Variants in CAP1 observed in about 807,000 individuals in gnomAD.
CAP1 encodes cyclase associated actin cytoskeleton regulatory protein 1, also known as adenylyl cyclase-associated protein 1.
CAP1 carries 11 observed loss-of-function variants against 58.2 expected under a neutral mutation model. The ratio of observed to expected loss-of-function variants is 0.19; its 90% CI spans 0.12 to 0.31. The LOEUF (loss-of-function observed/expected upper bound fraction) is 0.31, where lower values mean the gene tolerates loss of function less well. Ranked by LOEUF, CAP1 falls within the 10% of genes least tolerant of loss-of-function variation. CAP1 has a pLI of 1.00. For missense variants in CAP1, 423 were observed against 587.5 expected (o/e 0.72, Z 2.89); for synonymous variants, 183 against 213.8 (o/e 0.86, Z 1.26).
At chr1:40,062,195 C>T (rs1285046771) in intron 4 of CAP1, among the ~76,000 whole-genome samples, 1 of 139,900 alleles carries the variant, frequency 7.1e-6, no homozygotes, top group Non-Finnish European at 1.6e-5. Flanking sequence ...AGTATTGCTT[C>T]TCTCCTCATC....
chr1:40,063,015 TG>T (rs199970939), intron 4 of CAP1, among the ~76,000 whole-genome samples: 4 of 151,242 alleles, frequency 2.6e-5, no homozygotes, highest in East Asian at 1.9e-4. Context: ...ATTTTTTTTT[TG>T]AGACAGGGTG....
chr1:40,045,649 G>A (rs902381836), intron 1 of CAP1, among the ~76,000 whole-genome samples: 1 of 152,096 alleles, frequency 6.6e-6, no homozygotes, highest in Admixed American at 6.5e-5. Flanking sequence ...TCCCCCTCCC[G>A]GGTTCAAGCA....
At chr1:40,059,540 A>G (rs956715358) in intron 2 of CAP1, 82 bp downstream of exon 2, 2 of 755,696 alleles carry the variant, frequency 2.6e-6, no homozygotes, top group East Asian at 2.6e-5. Flanking sequence ...CTTTGGCGCT[A>G]ACTTCCCAAA....
At chr1:40,063,755 A>G (rs1337732747) in intron 4 of CAP1, among the ~76,000 whole-genome samples, 1 of 152,224 alleles carries the variant, frequency 6.6e-6, no homozygotes, top group African/African-American at 2.4e-5. Context: ...ACATGGGTCC[A>G]TTAATAGTTT....
intron 1 of CAP1, among the ~76,000 whole-genome samples, chr1:40,042,673 G>T (rs180850930): frequency 1.4e-3 from 206 of 152,300 alleles, no homozygotes; most frequent in African/African-American, 4.8e-3. Context: ...GCAGGAAAAT[G>T]ATGTCGTCAG....
At chr1:40,042,118 C>T (rs1004300397) in intron 1 of CAP1, among the ~76,000 whole-genome samples, 1 of 152,150 alleles carries the variant, frequency 6.6e-6, no homozygotes, top group East Asian at 1.9e-4. Context: ...CTCAGGTGAT[C>T]CCCCCACCTC....
chr1:40,065,751 A>C (rs1306305892), intron 6 of CAP1, among the ~76,000 whole-genome samples: 1 of 152,216 alleles, frequency 6.6e-6, no homozygotes, highest in Non-Finnish European at 1.5e-5. Flanking sequence ...ATATTTTGAC[A>C]TAAGGCATTG....
chr1:40,069,784 T>C lies in CAP1; in HGVS notation c.903T>C (p.Ser301=). The C allele has an allele frequency of 6.2e-7, 1 of 1,612,914 alleles. No individual in the cohort carries two copies. The highest frequency in any genetic ancestry group is 2.2e-5 in the East Asian group (1 of 44,852). ...TACGCAGTGGCCCCAAACCATTCTC[T>C]GCACCTAAACCCCAAACCAGCCCAT... The part of the protein sequence containing the change: ...GPVRSGPKPF[S]APKPQTSPSP... Residue 301 remains serine (S), a synonymous_variant, in exon 9 of 13, where the codon TCT becomes TCC. Coordinates refer to ENST00000372805, the MANE Select transcript of CAP1 (RefSeq NM_006367.4).
At chr1:40,052,368 T>G (rs1425845209) in intron 1 of CAP1, among the ~76,000 whole-genome samples, 2 of 152,150 alleles carry the variant, frequency 1.3e-5, no homozygotes, top group African/African-American at 4.8e-5. Flanking sequence ...TTTGGACTTG[T>G]GTAATTTTGA....
chr1:40,061,036 G>A (rs969079013), intron 3 of CAP1, among the ~76,000 whole-genome samples: 1 of 152,096 alleles, frequency 6.6e-6, no homozygotes, highest in African/African-American at 2.4e-5. Context: ...TATTTTAATA[G>A]TGCTTACAGT....
chr1:40,070,021 C>A, intron 9 of CAP1, 138 bp from the exon 10 acceptor site: 1 of 1,426,988 alleles, frequency 7.0e-7, no homozygotes, highest in Non-Finnish European at 9.6e-7. Context: ...GGAGTAGGAA[C>A]AGGAGGTTAA....
intron 1 of CAP1, among the ~76,000 whole-genome samples, chr1:40,045,624 TG>T (rs1171195515): frequency 6.6e-6 from 1 of 152,120 alleles, no homozygotes; most frequent in Non-Finnish European, 1.5e-5. Context: ...GGCGTGATCT[TG>T]GCTCACTGCA....
intron 7 of CAP1, 51 bp from the exon 8 acceptor site, chr1:40,067,489 T>C: frequency 1.3e-6 from 2 of 1,513,184 alleles, no homozygotes; most frequent in South Asian, 1.2e-5. Flanking sequence ...CTGGGAATGG[T>C]ACAGAGGGGA....
At chr1:40,044,290 A>G (rs1440148322) in intron 1 of CAP1, among the ~76,000 whole-genome samples, 1 of 152,158 alleles carries the variant, frequency 6.6e-6, no homozygotes, top group African/African-American at 2.4e-5. Flanking sequence ...TTGTGAATCA[A>G]ATTTTTTTTT....
chr1:40,064,017 GAACC>G, intron 4 of CAP1, among the ~76,000 whole-genome samples: 1 of 152,208 alleles, frequency 6.6e-6, no homozygotes, highest in African/African-American at 2.4e-5. Context: ...TGATCATGAA[GAACC>G]ATCAGGTGCA....
At chr1:40,043,058 G>A (rs1234036744) in intron 1 of CAP1, among the ~76,000 whole-genome samples, 1 of 152,190 alleles carries the variant, frequency 6.6e-6, no homozygotes, top group Non-Finnish European at 1.5e-5. Flanking sequence ...AATAAGGTGG[G>A]TCAGCTAAAG....
At chr1:40,071,415 C>A (rs1647999906) in intron 12 of CAP1, 35 bp from the exon 13 acceptor site, 1 of 1,467,326 alleles carries the variant, frequency 6.8e-7, no homozygotes, top group East Asian at 2.3e-5. Context: ...TTCTTTAGCT[C>A]AGATTTAAAC....
intron 1 of CAP1, among the ~76,000 whole-genome samples, chr1:40,043,960 A>G (rs905459940): frequency 6.6e-6 from 1 of 152,184 alleles, no homozygotes. Context: ...TATCTCAGAG[A>G]AGTTTAAATA....
At position 40,069,837 on chromosome 1, in the gene CAP1, C is replaced by T. The variant is rs1162734672; in HGVS notation, c.956C>T (p.Pro319Leu). 6.3e-7 allele frequency: 1 copy of T among 1,597,992 alleles called. No individual in the cohort carries two copies. The highest frequency in any genetic ancestry group is 8.5e-7 in the Non-Finnish European group (1 of 1,173,958). The change falls in exon 9 of 13, where the codon CCA becomes CTA. Residue 319 changes from proline to leucine, a missense_variant. Pro to Leu is a moderately conservative substitution (Grantham distance 98, BLOSUM62 -3). Transcript: ENST00000372805. ...CCCAAACGAGCCACAAAGAAGGAGC[C>T]AGCTGTACTTGAACTGGAGGGCAAG... is the stretch of plus-strand genomic sequence containing the variant. ...PSPKRATKKE[P>L]AVLELEGKKW...
Sources: allele counts gnomAD v4.1 joint callset (sites outside exome capture counted in the v4.1 genomes callset), GRCh38; gene constraint gnomAD v4.1.1; transcripts MANE v1.5; gene names NCBI Gene and HGNC (gene_info 2026-07-23, HGNC 2026-07-21).